Variants in CCDC9 observed in about 807,000 individuals in gnomAD.
The protein encoded by CCDC9 is coiled-coil domain-containing protein 9.
Under a neutral mutation model 65.6 loss-of-function variants are expected in CCDC9, and 52 were observed. The observed-to-expected ratio is 0.79, with a 90% CI of 0.63 to 1.00. The LOEUF is 1.00. Among genes scored for constraint, CCDC9 ranks in the 50% least tolerant of loss-of-function variants. The pLI, the probability that CCDC9 is intolerant of heterozygous loss-of-function variation, is 0.00. For missense variants in CCDC9, 834 were observed against 757.2 expected, an observed-to-expected ratio of 1.10 and a Z score of -1.19; for synonymous variants, 332 against 280.3, an observed-to-expected ratio of 1.18 and a Z score of -1.84.
downstream of CCDC9, chr19:47,272,097 G>A (rs943766522): frequency 8.1e-6 from 10 of 1,236,256 alleles, no homozygotes; most frequent in African/African-American, 1.1e-4. Context: ...CTGCCTTCCC[G>A]GAGAGTGGGC....
intron 7 of CCDC9, among the ~76,000 whole-genome samples, chr19:47,265,723 C>T (rs1194248203): frequency 1.5e-4 from 22 of 150,662 alleles, no homozygotes; most frequent in African/African-American, 5.1e-4. Flanking sequence ...AGTCTTGCTC[C>T]ATCGCCCAGG....
chr19:47,269,210 T>C (rs1218849464), intron 8 of CCDC9, among the ~76,000 whole-genome samples: 1 of 152,190 alleles, frequency 6.6e-6, no homozygotes, highest in Non-Finnish European at 1.5e-5. Context: ...AAAACATTTC[T>C]GCCTTTTTGG....
intron 7 of CCDC9, 77 bp from the exon 8 acceptor site, chr19:47,266,534 A>G (rs958643748): frequency 2.1e-6 from 3 of 1,441,712 alleles, no homozygotes; most frequent in Non-Finnish European, 2.7e-6. Flanking sequence ...GATCCTGAGC[A>G]AGTGGATGTG....
rs377029544 is a variant in CCDC9, at chr19:47,257,142, G to A, written c.-72+533G>A. Among the ~76,000 whole-genome samples the A allele has an allele frequency of 6.6e-5, 10 of 151,896 alleles. No homozygotes were observed. In the East Asian group the frequency reaches 9.7e-4, roughly 15 times the overall value. On this transcript the variant is annotated intron_variant, in intron 1 of 11. Coordinates refer to ENST00000221922, the MANE Select transcript of CCDC9 (RefSeq NM_015603.3). Reference sequence around the variant, plus strand: ...GCGCGGCCAGAGCGTTGGCCGGGAGGCGGGGAAGCGGGGAGTTGAGCCAGA... The same window carrying A: ...GCGCGGCCAGAGCGTTGGCCGGGAGACGGGGAAGCGGGGAGTTGAGCCAGA...
In CCDC9 at chr19:47,258,535, C is replaced by T. The variant is rs767195152; in HGVS notation, c.4-24C>T. ...TATGGATGGAGGTTTTTCCTTCCATCCCTCAACTGCCTCCCGGTCTCAGGC... is the reference window on the plus strand; with the variant it reads ...TATGGATGGAGGTTTTTCCTTCCATTCCTCAACTGCCTCCCGGTCTCAGGC... On this transcript the variant is annotated intron_variant, in intron 2 of 11. Transcript: ENST00000221922. The T allele has an allele frequency of 6.8e-6, 11 of 1,608,272 alleles. No homozygotes were observed. In the East Asian group the frequency reaches 2.0e-4, roughly 29 times the overall value.
intron 1 of CCDC9, among the ~76,000 whole-genome samples, chr19:47,257,277 G>A (rs1190494811): frequency 6.6e-6 from 1 of 151,034 alleles, no homozygotes; most frequent in Non-Finnish European, 1.5e-5. Flanking sequence ...GGGGCCAGAG[G>A]GTTGACTGGG....
At position 47,265,017 on chromosome 19, in the gene CCDC9, CAG is replaced by C. The variant is rs2059071971; in HGVS notation, c.720+73_720+74del. 7 of 1,269,286 alleles carry C rather than the reference CAG, an allele frequency of 5.5e-6. No individual in the cohort carries two copies. The African/African-American group carries it at 1.1e-4, about 19-fold the overall frequency. The allele number at this position is 1,269,286 out of a possible 1,614,324, so 78.6% of individuals were successfully genotyped here. The stretch of plus-strand genomic sequence containing the variant: ...TGGGGACTGCATAGCAGGAACCAGA[CAG>C]ATCAGGGCCATGGGGCCTCTCCTTT... On this transcript the variant is annotated intron_variant, in intron 7 of 11. Coordinates refer to ENST00000221922, the MANE Select transcript of CCDC9 (RefSeq NM_015603.3).
At chr19:47,261,842 G>A (rs920999737) in intron 5 of CCDC9, among the ~76,000 whole-genome samples, 2 of 151,246 alleles carry the variant, frequency 1.3e-5, no homozygotes, top group Non-Finnish European at 2.9e-5. Context: ...CCAACATGGC[G>A]AAACCCCATC....
downstream of CCDC9, chr19:47,273,212 G>GC (rs2059134437): frequency 9.6e-6 from 4 of 415,548 alleles, no homozygotes; most frequent in South Asian, 5.3e-4. Flanking sequence ...ATTAGTCTGG[G>GC]CCCCGTAAAC....
downstream of CCDC9, chr19:47,274,846 T>C (rs1600297879): frequency 1.3e-6 from 1 of 748,610 alleles, no homozygotes; most frequent in Middle Eastern, 5.4e-4. Context: ...CGGGGCGGTC[T>C]GCGGGGTGGG....
downstream of CCDC9, chr19:47,273,392 A>G: frequency 8.1e-7 from 1 of 1,231,848 alleles, no homozygotes; most frequent in Non-Finnish European, 1.0e-6. Flanking sequence ...GGCGGAGATC[A>G]CCGACTTCCA....
At chr19:47,271,248 G>T in intron 11 of CCDC9, 26 bp from the exon 12 acceptor site, 1 of 1,610,420 alleles carries the variant, frequency 6.2e-7, no homozygotes, top group Non-Finnish European at 8.5e-7. Flanking sequence ...CCTGTGCCTT[G>T]CCCTGACTTG....
intron 10 of CCDC9, among the ~76,000 whole-genome samples, 161 bp from the exon 11 acceptor site, chr19:47,270,921 G>A (rs1362118509): frequency 3.9e-5 from 6 of 151,906 alleles, no homozygotes; most frequent in Admixed American, 6.6e-5. Context: ...CCCCACTTTC[G>A]TTCTGTCCTT....
In CCDC9 at chr19:47,271,730, TGTGCGCGCGCGCGC is replaced by T. The variant is rs749897769; in HGVS notation, c.*54_*67del. ...GTGTGTGTGTGTGTGTGTGTGTGTGTGTGCGCGCGCGCGCGCGCGCGCGCGCGCGCTAGAGGGGT... is the reference window on the plus strand; with the variant it reads ...GTGTGTGTGTGTGTGTGTGTGTGTGTGCGCGCGCGCGCGCGCTAGAGGGGT... On this transcript the variant is annotated 3_prime_UTR_variant, in exon 12 of 12. Coordinates refer to ENST00000221922, the MANE Select transcript of CCDC9 (RefSeq NM_015603.3). 51,170 of 661,530 alleles carry T rather than the reference TGTGCGCGCGCGCGC, an allele frequency of 0.077. 228 individuals are homozygous for T. The highest frequency in any genetic ancestry group is 0.17 in the East Asian group (1,649 of 9,546). The allele number at this position is 661,530 out of a possible 1,614,324, so 41.0% of individuals were successfully genotyped here.
At chr19:47,263,727 G>A (rs1319929974) in intron 5 of CCDC9, among the ~76,000 whole-genome samples, 11 of 151,788 alleles carry the variant, frequency 7.2e-5, no homozygotes, top group African/African-American at 2.4e-4. Flanking sequence ...CACCATGCCC[G>A]GCTAACTTTT....
chr19:47,267,756 A>G (rs1480996416), intron 8 of CCDC9, among the ~76,000 whole-genome samples: 1 of 152,140 alleles, frequency 6.6e-6, no homozygotes, highest in Non-Finnish European at 1.5e-5. Context: ...GCTGTTTAAC[A>G]GCGATTAGAC....
chr19:47,256,741 G>T (rs2059012052), intron 1 of CCDC9, 132 bp downstream of exon 1: 2 of 146,932 alleles, frequency 1.4e-5, no homozygotes, highest in Non-Finnish European at 3.0e-5. Flanking sequence ...CGCCCACATG[G>T]GAAGCTGGAG....
At chr19:47,274,622 A>C (rs1037409102), downstream of CCDC9, 7 of 190,066 alleles carry the variant, frequency 3.7e-5, no homozygotes, top group Non-Finnish European at 4.8e-5. Flanking sequence ...CGAGTCTGGG[A>C]AGAGAACCGT....
intron 8 of CCDC9, among the ~76,000 whole-genome samples, chr19:47,267,910 T>G (rs1647696858): frequency 6.6e-6 from 1 of 151,516 alleles, no homozygotes; most frequent in Admixed American, 6.6e-5. Flanking sequence ...TGCAGTGATG[T>G]GATCTCGGCT....
Sources: allele counts gnomAD v4.1 joint callset (sites outside exome capture counted in the v4.1 genomes callset), GRCh38; gene constraint gnomAD v4.1.1; transcripts MANE v1.5; gene names NCBI Gene and HGNC (gene_info 2026-07-23, HGNC 2026-07-21).